The following QRSL1 variants were observed in gnomAD, a reference collection of about 807,000 sequenced individuals.
QRSL1 encodes the protein glutamyl-tRNA(Gln) amidotransferase subunit A, mitochondrial.
In QRSL1, 54 loss-of-function variants were observed where a neutral mutation model predicts 61.6. The ratio of observed to expected loss-of-function variants is 0.88; its 90% CI spans 0.70 to 1.10. QRSL1 has a LOEUF of 1.10. Among genes scored for constraint, QRSL1 ranks in the 50% least tolerant of loss-of-function variants. The pLI, the probability that QRSL1 is intolerant of heterozygous loss-of-function variation, is 0.00. For synonymous variants in QRSL1, 228 were observed against 225.7 expected (o/e 1.01, Z -0.09); for missense variants, 505 against 622.6 (o/e 0.81, Z 2.01).
At chr6:106,632,325 A>G (rs897840431) in intron 1 of QRSL1, among the ~76,000 whole-genome samples, 1 of 152,168 alleles carries the variant, frequency 6.6e-6, no homozygotes, top group African/African-American at 2.4e-5. Flanking sequence ...AGGTGCATAT[A>G]TACGTAGCAG....
chr6:106,638,360 A>T (rs1054875254), intron 1 of QRSL1, among the ~76,000 whole-genome samples: 1 of 151,106 alleles, frequency 6.6e-6, no homozygotes, highest in East Asian at 1.9e-4. Context: ...GTTGGAGTGC[A>T]TTGGCACGAT....
At chr6:106,655,934 G>A (rs779910406) in intron 9 of QRSL1, among the ~76,000 whole-genome samples, 53 of 152,182 alleles carry the variant, frequency 3.5e-4, no homozygotes, top group Non-Finnish European at 6.0e-4. Flanking sequence ...GATTGGTACA[G>A]ATTACAGGCA....
intron 3 of QRSL1, 42 bp from the exon 4 acceptor site, chr6:106,642,952 T>C (rs979568623): frequency 2.2e-6 from 3 of 1,351,704 alleles, no homozygotes; most frequent in Admixed American, 3.8e-5. Flanking sequence ...ATAAAAGACT[T>C]CTGGACTGTA....
In QRSL1 at chr6:106,640,867, GAC is replaced by G; in HGVS notation, c.231_232del (p.Asp77GlufsTer8). 2 of 1,613,766 alleles carry G rather than the reference GAC, an allele frequency of 1.2e-6. No homozygotes were observed. Among genetic ancestry groups the G allele is most frequent in the Non-Finnish European group, 1.7e-6 (2 of 1,179,856 alleles). On this transcript the variant is annotated frameshift_variant, in exon 3 of 11. Coordinates refer to ENST00000369046, the MANE Select transcript of QRSL1 (RefSeq NM_018292.5). LOFTEE classifies it high-confidence loss of function. ...AGATGGAATTCCTATTGCAGTAAAA[GAC>G]AATTTCAGCACTTCTGGCATTGAGA... Reference protein sequence around the residue: ...DLDGIPIAVKDNFSTSGIETT... With the variant: ...DLDGIPIAVKXNFSTSGIETT...
At chr6:106,653,582 G>A (rs1395284393) in intron 7 of QRSL1, 2 of 152,184 alleles carry the variant, frequency 1.3e-5, no homozygotes, top group East Asian at 1.9e-4. Flanking sequence ...CAGCACCTTG[G>A]GAAGCCAAGG....
chr6:106,634,392 G>A (rs1776887848), intron 1 of QRSL1, among the ~76,000 whole-genome samples: 1 of 152,136 alleles, frequency 6.6e-6, no homozygotes, highest in Admixed American at 6.5e-5. Context: ...TTGAATCTGT[G>A]GACATGATCT....
At position 106,665,981 on chromosome 6, in the gene QRSL1, C is replaced by T. The variant is rs201966755; in HGVS notation, c.1566C>T (p.Ala522=). Residue 522 remains alanine, a synonymous_variant, in exon 11 of 11, where the codon GCC becomes GCT. Coordinates refer to ENST00000369046, the MANE Select transcript of QRSL1 (RefSeq NM_018292.5). The part of the protein sequence containing the change: ...CSAVLENEKL[A]SVSLKQ ...CAGTCCTTGAAAATGAAAAGTTAGC[C>T]TCTGTCTCTCTAAAACAGTAAACAT... 2 of 1,613,826 alleles carry T rather than the reference C, an allele frequency of 1.2e-6. No individual in the cohort carries two copies. The highest frequency in any genetic ancestry group is 1.7e-6 in the Non-Finnish European group (2 of 1,179,746).
At position 106,643,130 on chromosome 6, in the gene QRSL1, T is replaced by C. The variant is rs746300877; in HGVS notation, c.380+40T>C. ...AATCTTCTCTTGAGTTTCTTCTGTC[T>C]GTGCCTTTATTTTCACTAAATGTAG... On this transcript the variant is annotated intron_variant, in intron 4 of 10. Coordinates refer to ENST00000369046, the MANE Select transcript of QRSL1 (RefSeq NM_018292.5). The C allele has an allele frequency of 5.1e-6, 7 of 1,371,030 alleles. No individual in the cohort carries two copies. The African/African-American group carries it at 7.3e-5, about 14-fold the overall frequency. The allele number at this position is 1,371,030 out of a possible 1,614,324, so 84.9% of individuals were successfully genotyped here.
rs1776999778 is a variant in QRSL1, at chr6:106,640,409, T to C, written c.85T>C (p.Ser29Pro). Residue 29 changes from serine (S) to proline (P), a missense_variant, in exon 2 of 11, where the codon TCT (serine) becomes CCT (proline). Physicochemically the swap from Ser to Pro is moderately conservative, Grantham distance 74. Coordinates refer to ENST00000369046, the MANE Select transcript of QRSL1 (RefSeq NM_018292.5). Reference protein sequence around the residue: ...TPTELCQKCLSLIKKTKFLNA... With the variant: ...TPTELCQKCLPLIKKTKFLNA... ...AACAGAGCTCTGTCAAAAATGTCTC[T>C]CTCTTATCAAGAAGACCAAGTTTCT... 1 of 1,612,690 alleles carries C rather than the reference T, an allele frequency of 6.2e-7. No homozygotes were observed. The highest frequency in any genetic ancestry group is 1.7e-5 in the Admixed American group (1 of 59,876).
At chr6:106,631,335 A>G (rs1193222891) in intron 1 of QRSL1, among the ~76,000 whole-genome samples, 1 of 152,202 alleles carries the variant, frequency 6.6e-6, no homozygotes, top group Non-Finnish European at 1.5e-5. Context: ...TGCCTTTTCC[A>G]CTGTCAATCT....
chr6:106,652,851 A>C, intron 7 of QRSL1: 1 of 1,197,416 alleles, frequency 8.4e-7, no homozygotes, highest in Non-Finnish European at 1.1e-6. Context: ...AAGATAGCAA[A>C]TATTTTAGAT....
chr6:106,662,837 T>G, intron 9 of QRSL1, 143 bp from the exon 10 acceptor site: 2 of 684,156 alleles, frequency 2.9e-6, no homozygotes, highest in South Asian at 3.8e-5. Context: ...GGGAAGGGAA[T>G]GGGCATTACA....
intron 1 of QRSL1, among the ~76,000 whole-genome samples, chr6:106,637,089 T>A (rs78296248): frequency 0.032 from 4,945 of 152,304 alleles, 274 homozygotes; most frequent in East Asian, 0.19. Context: ...GAGTTCCATC[T>A]GGAGCTCCAG....
intron 1 of QRSL1, among the ~76,000 whole-genome samples, chr6:106,639,119 GTT>G (rs1177849683): frequency 1.6e-5 from 2 of 122,812 alleles, no homozygotes; most frequent in African/African-American, 6.6e-5. Context: ...GTGTTTTGTT[GTT>G]TTTTTTTTTT....
chr6:106,643,881 T>G (rs953105873), intron 4 of QRSL1, among the ~76,000 whole-genome samples: 2 of 151,856 alleles, frequency 1.3e-5, no homozygotes, highest in Non-Finnish European at 2.9e-5. Flanking sequence ...TCATTCTTTT[T>G]TTTTTTTGAG....
intron 9 of QRSL1, among the ~76,000 whole-genome samples, chr6:106,661,507 GTCTCTCTGTAGACCTGGTGGT>G (rs1777354610): frequency 2.0e-5 from 3 of 152,076 alleles, no homozygotes; most frequent in Non-Finnish European, 4.4e-5. Context: ...GCCTGCATTG[GTCTCTCTGTAGACCTGGTGGT>G]CAAATAAGAG....
At chr6:106,654,362 AAG>A (rs1341077778) in intron 7 of QRSL1, among the ~76,000 whole-genome samples, 7 of 152,196 alleles carry the variant, frequency 4.6e-5, no homozygotes, top group South Asian at 4.1e-4. Context: ...AAAAAAAAAA[AAG>A]AAAATCATCT....
chr6:106,655,304 A>T (rs1381699045), intron 8 of QRSL1, among the ~76,000 whole-genome samples: 1 of 152,042 alleles, frequency 6.6e-6, no homozygotes, highest in African/African-American at 2.4e-5. Context: ...GCAGATGGGG[A>T]AAAGAAACCA....
intron 9 of QRSL1, among the ~76,000 whole-genome samples, chr6:106,660,083 C>T (rs1228856709): frequency 6.6e-6 from 1 of 152,340 alleles, no homozygotes. Flanking sequence ...CTTCAGATCT[C>T]TGTCCCTTTA....
Sources: allele counts gnomAD v4.1 joint callset (sites outside exome capture counted in the v4.1 genomes callset), GRCh38; gene constraint gnomAD v4.1.1; transcripts MANE v1.5; gene names NCBI Gene and HGNC (gene_info 2026-07-23, HGNC 2026-07-21).